The following HS6ST3 variants were observed in gnomAD, a reference collection of about 807,000 sequenced individuals.
The protein encoded by HS6ST3 is heparan-sulfate 6-O-sulfotransferase 3.
A neutral mutation model predicts 36.7 loss-of-function variants in HS6ST3; 12 were observed. That is an observed-to-expected ratio of 0.33 (90% CI 0.21 to 0.53). HS6ST3 has a LOEUF of 0.53. HS6ST3 is among the 20% of genes least tolerant of loss of function. HS6ST3 has a pLI of 0.95. For missense variants in HS6ST3, 584 were observed against 640.9 expected, an observed-to-expected ratio of 0.91 and a Z score of 0.96; for synonymous variants, 240 against 257.5, an observed-to-expected ratio of 0.93 and a Z score of 0.65.
At position 96,506,442 on chromosome 13, in the gene HS6ST3, T is replaced by C. The variant is rs138518217; in HGVS notation, c.708-326048T>C. On this transcript the variant is annotated intron_variant, in intron 1 of 1. Coordinates refer to ENST00000376705, the MANE Select transcript of HS6ST3 (RefSeq NM_153456.4). ...AAAAGTATTTTCACCATGTACTATA[T>C]ACAAGTGGGGAAACTTCCCATGAAG... Among the ~76,000 whole-genome samples, 769 of 152,298 alleles carry C rather than the reference T, an allele frequency of 5.0e-3. 3 individuals are homozygous for C. Among genetic ancestry groups the C allele is most frequent in the Non-Finnish European group, 8.3e-3 (564 of 68,012 alleles).
At chr13:96,475,612 C>CAAAA (rs1251970502) in intron 1 of HS6ST3, among the ~76,000 whole-genome samples, 5 of 91,540 alleles carry the variant, frequency 5.5e-5, no homozygotes, top group African/African-American at 1.5e-4. Context: ...GGAGTACTAC[C>CAAAA]AAAAAAAAAA....
intron 1 of HS6ST3, among the ~76,000 whole-genome samples, chr13:96,156,858 G>T (rs2054113004): frequency 6.6e-6 from 1 of 152,178 alleles, no homozygotes; most frequent in Non-Finnish European, 1.5e-5. Flanking sequence ...TCGCATAAAT[G>T]CAGGCAGAGT....
intron 1 of HS6ST3, among the ~76,000 whole-genome samples, chr13:96,645,414 C>G (rs530905506): frequency 6.6e-6 from 1 of 151,210 alleles, no homozygotes; most frequent in South Asian, 2.1e-4. Flanking sequence ...CTAATGGAAT[C>G]TATAAGAGTC....
At chr13:96,668,190 G>GCA (rs1342302250) in intron 1 of HS6ST3, among the ~76,000 whole-genome samples, 3 of 150,730 alleles carry the variant, frequency 2.0e-5, no homozygotes, top group African/African-American at 7.3e-5. Context: ...ACACACACAC[G>GCA]CACACACACA....
rs560347328 is a variant in HS6ST3, at chr13:96,282,973, A to C, written c.707+191404A>C. On this transcript the variant is annotated intron_variant, in intron 1 of 1. Coordinates refer to ENST00000376705, the MANE Select transcript of HS6ST3 (RefSeq NM_153456.4). ...TAAGAGCAACATTGTTAGCTGGAAA[A>C]CCCATTCACTCTACAGCTGTCCCCA... Among the ~76,000 whole-genome samples the C allele has an allele frequency of 3.3e-5, 5 of 152,188 alleles. No individual in the cohort carries two copies. The South Asian group carries it at 6.2e-4, about 19-fold the overall frequency.
At chr13:96,198,611 GC>G (rs1214453561) in intron 1 of HS6ST3, among the ~76,000 whole-genome samples, 1 of 152,144 alleles carries the variant, frequency 6.6e-6, no homozygotes, top group Non-Finnish European at 1.5e-5. Context: ...TAGGGCAGGG[GC>G]AAAATGCTGG....
intron 1 of HS6ST3, among the ~76,000 whole-genome samples, chr13:96,309,566 A>T (rs2054930322): frequency 6.6e-6 from 1 of 152,158 alleles, no homozygotes. Flanking sequence ...AAACTCTGAA[A>T]TAATTTGCAA....
chr13:96,324,989 T>G (rs2139417002), intron 1 of HS6ST3, among the ~76,000 whole-genome samples: 1 of 152,296 alleles, frequency 6.6e-6, no homozygotes, highest in Admixed American at 6.5e-5. Flanking sequence ...GCATAACATT[T>G]TAGGATGGAC....
intron 1 of HS6ST3, among the ~76,000 whole-genome samples, chr13:96,221,968 A>T (rs546401086): frequency 6.6e-6 from 1 of 152,190 alleles, no homozygotes; most frequent in South Asian, 2.1e-4. Flanking sequence ...TGGTGAATTA[A>T]CTGTTATTTT....
rs564547343 is a variant in HS6ST3, at chr13:96,173,853, ATGTATTTGTATTAT to A, written c.707+82286_707+82299del. Among the ~76,000 whole-genome samples the A allele has an allele frequency of 2.6e-3, 394 of 151,864 alleles. 3 individuals are homozygous for A. The highest frequency in any genetic ancestry group is 8.4e-3 in the African/African-American group (350 of 41,450). On this transcript the variant is annotated intron_variant, in intron 1 of 1. Coordinates refer to ENST00000376705, the MANE Select transcript of HS6ST3 (RefSeq NM_153456.4). ...TGTGTGTGTGTGTGTGTGGATAGTAATGTATTTGTATTATTATGGTTAGTTACATGGCAAAGAGA... is the reference window on the plus strand; with the variant it reads ...TGTGTGTGTGTGTGTGTGGATAGTAATATGGTTAGTTACATGGCAAAGAGA...
intron 1 of HS6ST3, among the ~76,000 whole-genome samples, chr13:96,287,497 A>G (rs1471415973): frequency 6.6e-6 from 1 of 152,196 alleles, no homozygotes; most frequent in Non-Finnish European, 1.5e-5. Context: ...GTTATAGTGA[A>G]CATTTTAAAA....
chr13:96,152,583 C>T (rs1478269048), intron 1 of HS6ST3, among the ~76,000 whole-genome samples: 2 of 152,082 alleles, frequency 1.3e-5, no homozygotes, highest in South Asian at 2.1e-4. Context: ...GCGATCCGCC[C>T]GCCTTGACCT....
intron 1 of HS6ST3, among the ~76,000 whole-genome samples, chr13:96,677,675 A>G (rs1472910853): frequency 6.6e-6 from 1 of 152,104 alleles, no homozygotes; most frequent in Non-Finnish European, 1.5e-5. Context: ...CTTTCAGGAT[A>G]TTATTAGTAA....
intron 1 of HS6ST3, among the ~76,000 whole-genome samples, chr13:96,659,988 G>C (rs376884354): frequency 6.6e-6 from 1 of 152,030 alleles, no homozygotes; most frequent in African/African-American, 2.4e-5. Context: ...GATGGGATTT[G>C]ATTTATAGAT....
rs150359791 is a variant in HS6ST3 at position 96,146,721 on chromosome 13, C to T, written c.707+55152C>T. Among the ~76,000 whole-genome samples the T allele has an allele frequency of 3.0e-3, 463 of 152,124 alleles. 3 individuals are homozygous for T. Among genetic ancestry groups the T allele is most frequent in the African/African-American group, 0.011 (442 of 41,514 alleles). On this transcript the variant is annotated intron_variant, in intron 1 of 1. Coordinates refer to ENST00000376705, the MANE Select transcript of HS6ST3 (RefSeq NM_153456.4). ...AGAAAAGCAGTTTTATTAATGAATT[C>T]GTATGTAGGTATGGTCACTTTGAGA... is the stretch of plus-strand genomic sequence containing the variant.
At chr13:96,662,750 A>AT (rs2056650792) in intron 1 of HS6ST3, among the ~76,000 whole-genome samples, 1 of 151,984 alleles carries the variant, frequency 6.6e-6, no homozygotes, top group African/African-American at 2.4e-5. Context: ...AGAAGCTATC[A>AT]TTTTTTAATT....
At chr13:96,824,875 A>G (rs975515117) in intron 1 of HS6ST3, among the ~76,000 whole-genome samples, 2 of 152,222 alleles carry the variant, frequency 1.3e-5, no homozygotes, top group Admixed American at 1.3e-4. Flanking sequence ...CTGAACATCC[A>G]TGATGTATAA....
intron 1 of HS6ST3, among the ~76,000 whole-genome samples, chr13:96,629,627 T>C (rs1486325800): frequency 6.6e-6 from 1 of 152,200 alleles, no homozygotes; most frequent in Non-Finnish European, 1.5e-5. Flanking sequence ...TTGTAAGTGA[T>C]ATTTATTTTA....
chr13:96,327,503 T>C (rs1320934811), intron 1 of HS6ST3, among the ~76,000 whole-genome samples: 10 of 152,182 alleles, frequency 6.6e-5, no homozygotes, highest in African/African-American at 2.4e-4. Flanking sequence ...TATGTGGCGT[T>C]ATTTCTGAGG....
Sources: allele counts gnomAD v4.1 joint callset (sites outside exome capture counted in the v4.1 genomes callset), GRCh38; gene constraint gnomAD v4.1.1; transcripts MANE v1.5; gene names NCBI Gene and HGNC (gene_info 2026-07-23, HGNC 2026-07-21).